The following ADK variants were observed in gnomAD, a reference collection of about 807,000 sequenced individuals.
The protein encoded by ADK is N6,N6-dimethyladenosine kinase.
In ADK, 24 loss-of-function variants were observed where a neutral mutation model predicts 44.7. The ratio of observed to expected loss-of-function variants is 0.54; its 90% CI spans 0.39 to 0.76. ADK has a LOEUF of 0.76. Ranked by LOEUF, ADK falls within the 30% of genes least tolerant of loss-of-function variation. The pLI is 0.00. For missense variants in ADK, 321 were observed against 425.1 expected (o/e 0.76, Z 2.15); for synonymous variants, 128 against 142.6 (o/e 0.90, Z 0.73).
intron 3 of ADK, among the ~76,000 whole-genome samples, chr10:74,267,391 C>G (rs1846249274): frequency 6.6e-6 from 1 of 152,054 alleles, no homozygotes; most frequent in Non-Finnish European, 1.5e-5. Context: ...TTTTGGTATC[C>G]AAGTTGGGTC....
intron 3 of ADK, among the ~76,000 whole-genome samples, chr10:74,266,223 C>T (rs1321285652): frequency 6.6e-6 from 1 of 152,116 alleles, no homozygotes; most frequent in Non-Finnish European, 1.5e-5. Flanking sequence ...TCTTAGACTG[C>T]TTATTTGAAG....
chr10:74,509,757 C>T (rs937931077), intron 6 of ADK, among the ~76,000 whole-genome samples: 1 of 152,108 alleles, frequency 6.6e-6, no homozygotes, highest in Admixed American at 6.5e-5. Flanking sequence ...TTCCCAGCCT[C>T]CAATATCCTC....
At chr10:74,524,898 A>C (rs1356653946) in intron 6 of ADK, among the ~76,000 whole-genome samples, 1 of 152,220 alleles carries the variant, frequency 6.6e-6, no homozygotes, top group Non-Finnish European at 1.5e-5. Context: ...GTTTGTAAGA[A>C]GCTAAAAGGA....
At chr10:74,616,787 A>T (rs1852775613) in intron 9 of ADK, among the ~76,000 whole-genome samples, 1 of 152,134 alleles carries the variant, frequency 6.6e-6, no homozygotes, top group South Asian at 2.1e-4. Context: ...TTTTCAGATT[A>T]TATTGAATCT....
At chr10:74,219,698 A>C (rs1190451074) in intron 2 of ADK, among the ~76,000 whole-genome samples, 1 of 151,428 alleles carries the variant, frequency 6.6e-6, no homozygotes, top group African/African-American at 2.4e-5. Context: ...TCAAACTAGA[A>C]CTCAGGATTA....
At chr10:74,448,615 T>C (rs1290950995) in intron 6 of ADK, among the ~76,000 whole-genome samples, 1 of 152,084 alleles carries the variant, frequency 6.6e-6, no homozygotes, top group Non-Finnish European at 1.5e-5. Context: ...TTTATGACAC[T>C]CCTCAATGCT....
At chr10:74,517,994 A>G (rs1305977702) in intron 6 of ADK, among the ~76,000 whole-genome samples, 1 of 152,210 alleles carries the variant, frequency 6.6e-6, no homozygotes, top group Non-Finnish European at 1.5e-5. Context: ...GCAGATAGGA[A>G]CTATGCTTTG....
At chr10:74,312,660 A>G (rs1463750304) in intron 3 of ADK, among the ~76,000 whole-genome samples, 2 of 150,946 alleles carry the variant, frequency 1.3e-5, no homozygotes, top group Non-Finnish European at 3.0e-5. Flanking sequence ...TAATCCTAGC[A>G]CTTTGGGAGG....
intron 9 of ADK, among the ~76,000 whole-genome samples, chr10:74,652,699 G>A (rs757114691): frequency 4.6e-5 from 7 of 151,752 alleles, no homozygotes; most frequent in Non-Finnish European, 8.8e-5. Flanking sequence ...GGCAGAGGTT[G>A]CAGTGAACTG....
At chr10:74,436,874 A>G (rs1845195041) in intron 6 of ADK, among the ~76,000 whole-genome samples, 1 of 152,168 alleles carries the variant, frequency 6.6e-6, no homozygotes, top group Non-Finnish European at 1.5e-5. Context: ...AGCCACAGCA[A>G]ATAAGCAATA....
chr10:74,155,603 C>T (rs772828877), intron 1 of ADK, among the ~76,000 whole-genome samples: 17 of 152,290 alleles, frequency 1.1e-4, no homozygotes, highest in Admixed American at 3.3e-4. Context: ...AGTCTCGGCT[C>T]ACTGCAAGCT....
At chr10:74,568,162 GT>G (rs966317793) in intron 7 of ADK, among the ~76,000 whole-genome samples, 1 of 152,260 alleles carries the variant, frequency 6.6e-6, no homozygotes, top group Middle Eastern at 3.4e-3. Context: ...GTGTGTGTGT[GT>G]TTAGCTCATC....
intron 3 of ADK, among the ~76,000 whole-genome samples, chr10:74,259,944 C>T (rs1845980310): frequency 6.6e-6 from 1 of 151,962 alleles, no homozygotes; most frequent in Non-Finnish European, 1.5e-5. Flanking sequence ...TAGGGATATT[C>T]TAAGTTTTGA....
chr10:74,308,663 C>G (rs1840334760), intron 3 of ADK, among the ~76,000 whole-genome samples: 1 of 152,126 alleles, frequency 6.6e-6, no homozygotes, highest in South Asian at 2.1e-4. Context: ...GTTATGAATG[C>G]TTTCTTAAGG....
At chr10:74,601,698 GT>G (rs574289157) in intron 9 of ADK, among the ~76,000 whole-genome samples, 16 of 147,140 alleles carry the variant, frequency 1.1e-4, no homozygotes, top group Admixed American at 2.7e-4. Flanking sequence ...AGAAAGAAAA[GT>G]TTTTTTTTTT....
chr10:74,350,380 GA>G (rs1307235262), intron 4 of ADK, among the ~76,000 whole-genome samples: 1 of 152,042 alleles, frequency 6.6e-6, no homozygotes, highest in African/African-American at 2.4e-5. Context: ...AGAACAAAGA[GA>G]AAACGTACCA....
At chr10:74,288,398 C>T (rs1168372820) in intron 3 of ADK, among the ~76,000 whole-genome samples, 1 of 152,216 alleles carries the variant, frequency 6.6e-6, no homozygotes, top group East Asian at 1.9e-4. Context: ...GCCTGTAATC[C>T]CAGCACTTCG....
intron 3 of ADK, among the ~76,000 whole-genome samples, chr10:74,311,198 G>T (rs1372586589): frequency 2.0e-5 from 3 of 152,078 alleles, no homozygotes; most frequent in East Asian, 1.9e-4. Context: ...AGATTACATT[G>T]TGCATCAGTT....
rs1448904478 is a variant in ADK at position 74,188,371 on chromosome 10, C to T, written c.66-12393C>T. On this transcript the variant is annotated intron_variant, in intron 1 of 10. Transcript: ENST00000539909. ...TTTTTTTTTTTTTTTTTTTTTGAGACGGGGTCTTGCTTTGTCACCCAGGCT... is the reference window on the plus strand; with the variant it reads ...TTTTTTTTTTTTTTTTTTTTTGAGATGGGGTCTTGCTTTGTCACCCAGGCT... Among the ~76,000 whole-genome samples, 64 of 71,996 alleles carry T rather than the reference C, an allele frequency of 8.9e-4. 2 individuals are homozygous for T. In the Admixed American group the frequency reaches 0.01, roughly 12 times the overall value. The allele number at this position is 71,996 out of a possible 152,430, so 47.2% of individuals were successfully genotyped here.
Sources: allele counts gnomAD v4.1 joint callset (sites outside exome capture counted in the v4.1 genomes callset), GRCh38; gene constraint gnomAD v4.1.1; transcripts MANE v1.5; gene names NCBI Gene and HGNC (gene_info 2026-07-23, HGNC 2026-07-21).